The following RALGAPA2 variants were observed in gnomAD, a reference collection of about 807,000 sequenced individuals.
RALGAPA2 encodes Ral GTPase activating protein catalytic subunit alpha 2.
RALGAPA2 carries 139 observed loss-of-function variants against 230.4 expected under a neutral mutation model. That is an observed-to-expected ratio of 0.60 (90% confidence interval 0.53 to 0.69). The LOEUF (loss-of-function observed/expected upper bound fraction) is 0.69. Among genes scored for constraint, RALGAPA2 ranks in the 30% least tolerant of loss-of-function variants. RALGAPA2 has a pLI of 0.00. For synonymous variants in RALGAPA2, 847 were observed against 837.8 expected (o/e 1.01, Z -0.19); for missense variants, 2,163 against 2,276.0 (o/e 0.95, Z 1.01).
chr20:20,706,415 C>G (rs1490776616), intron 1 of RALGAPA2, among the ~76,000 whole-genome samples: 1 of 152,214 alleles, frequency 6.6e-6, no homozygotes, highest in Non-Finnish European at 1.5e-5. Flanking sequence ...AGAGACCATA[C>G]TAAGACTGCC....
chr20:20,459,421 T>C (rs998479085), intron 37 of RALGAPA2, among the ~76,000 whole-genome samples: 1 of 150,524 alleles, frequency 6.6e-6, no homozygotes, highest in African/African-American at 2.5e-5. Context: ...AAGAGGTTTT[T>C]TTGCTTTTTT....
chr20:20,677,406 C>A lies in RALGAPA2; in HGVS notation c.218-1118G>T, dbSNP rs149287321. ...GGGAGGTGTATTCCAGGCAGAGGAA[C>A]TGAACAATGCAAAGTCCGTGTAGCT... On this transcript the variant is annotated intron_variant, in intron 2 of 39. Coordinates refer to ENST00000202677, the MANE Select transcript of RALGAPA2 (RefSeq NM_020343.4). 2.5e-3 allele frequency among the ~76,000 whole-genome samples: 382 copies of A among 152,118 alleles called. 3 individuals are homozygous for A. The highest frequency in any genetic ancestry group is 2.6e-3 in the Admixed American group (40 of 15,266).
At chr20:20,486,319 T>G (rs1005963271) in intron 36 of RALGAPA2, among the ~76,000 whole-genome samples, 1 of 151,984 alleles carries the variant, frequency 6.6e-6, no homozygotes, top group Non-Finnish European at 1.5e-5. Flanking sequence ...TCTGAGAAGG[T>G]CTTTCTCCTT....
chr20:20,525,455 C>T (rs956240304), intron 28 of RALGAPA2, among the ~76,000 whole-genome samples: 1 of 152,200 alleles, frequency 6.6e-6, no homozygotes, highest in Non-Finnish European at 1.5e-5. Context: ...TGCCTTTTAA[C>T]GTGTCTCTGA....
At chr20:20,644,552 C>A (rs571783880) in intron 4 of RALGAPA2, among the ~76,000 whole-genome samples, 1 of 152,168 alleles carries the variant, frequency 6.6e-6, no homozygotes, top group Non-Finnish European at 1.5e-5. Context: ...CCTTTTAGAA[C>A]GATTCTACTG....
intron 16 of RALGAPA2, among the ~76,000 whole-genome samples, chr20:20,596,507 T>A (rs2065459701): frequency 6.6e-6 from 1 of 152,200 alleles, no homozygotes; most frequent in Non-Finnish European, 1.5e-5. Context: ...TTCAATACTC[T>A]AATGTGCCAA....
rs570747177 is a variant in RALGAPA2 at position 20,639,925 on chromosome 20, G to A, written c.551-25C>T. The A allele has an allele frequency of 4.6e-6, 7 of 1,510,720 alleles. No individual in the cohort carries two copies. In the African/African-American group the frequency reaches 8.3e-5, roughly 18 times the overall value. The allele number at this position is 1,510,720 out of a possible 1,614,324, so 93.6% of individuals were successfully genotyped here. A position where few individuals can be genotyped will look rare whatever the true frequency, so the allele number is the denominator to read the frequency against. On this transcript the variant is annotated intron_variant, in intron 6 of 39. Coordinates refer to ENST00000202677, the MANE Select transcript of RALGAPA2 (RefSeq NM_020343.4). ...ACTGAAAGGACAGAAAATGATGACAGCTCATTCACCAAAGTTAAATTTTAA... is the reference window on the plus strand; with the variant it reads ...ACTGAAAGGACAGAAAATGATGACAACTCATTCACCAAAGTTAAATTTTAA...
chr20:20,483,961 G>C (rs952408102), intron 36 of RALGAPA2, among the ~76,000 whole-genome samples: 1 of 152,132 alleles, frequency 6.6e-6, no homozygotes, highest in Non-Finnish European at 1.5e-5. Context: ...GGGTAGGGAC[G>C]CTATCAGGGG....
rs113654725 is a variant in RALGAPA2 at position 20,511,379 on chromosome 20, C to T, written c.4857-54G>A. On this transcript the variant is annotated intron_variant, in intron 32 of 39. Coordinates refer to ENST00000202677, the MANE Select transcript of RALGAPA2 (RefSeq NM_020343.4). ...CCATGTGATTACAGAACCATTTTGC[C>T]GCTTTTCAATCAGTAATTTAATAAA... is the stretch of plus-strand genomic sequence containing the variant. 3,502 of 1,513,922 alleles carry T rather than the reference C, an allele frequency of 2.3e-3. 3 individuals carry two copies. Among genetic ancestry groups the T allele is most frequent in the Non-Finnish European group, 2.8e-3 (3,198 of 1,136,300 alleles). 93.8% of individuals were successfully genotyped at this position (1,513,922 alleles called of 1,614,324 possible).
At chr20:20,569,532 C>A (rs967044568) in intron 23 of RALGAPA2, among the ~76,000 whole-genome samples, 17 of 151,942 alleles carry the variant, frequency 1.1e-4, no homozygotes, top group African/African-American at 4.1e-4. Flanking sequence ...AGATATTGAG[C>A]CTTAACTTAA....
chr20:20,565,418 C>A (rs926984252), intron 23 of RALGAPA2, among the ~76,000 whole-genome samples: 1 of 152,094 alleles, frequency 6.6e-6, no homozygotes, highest in African/African-American at 2.4e-5. Context: ...CAGGTATGGC[C>A]AATTTACAAG....
At chr20:20,683,325 A>G (rs955196157) in intron 1 of RALGAPA2, among the ~76,000 whole-genome samples, 1 of 152,112 alleles carries the variant, frequency 6.6e-6, no homozygotes, top group Non-Finnish European at 1.5e-5. Context: ...CGAATATTTA[A>G]TAGAGTCAGT....
chr20:20,469,828 A>C (rs1352716580), intron 37 of RALGAPA2, among the ~76,000 whole-genome samples: 1 of 152,192 alleles, frequency 6.6e-6, no homozygotes, highest in Non-Finnish European at 1.5e-5. Flanking sequence ...CCCTCTAGGC[A>C]CAGGAATAGG....
At chr20:20,527,603 C>T (rs1032362912) in intron 27 of RALGAPA2, among the ~76,000 whole-genome samples, 3 of 151,684 alleles carry the variant, frequency 2.0e-5, no homozygotes, top group African/African-American at 2.4e-5. Flanking sequence ...GCCCTCCCCC[C>T]ACACCCCCAA....
chr20:20,497,656 C>T (rs774146304), intron 35 of RALGAPA2, among the ~76,000 whole-genome samples: 3 of 152,212 alleles, frequency 2.0e-5, no homozygotes, highest in Non-Finnish European at 2.9e-5. Context: ...TTTGTAGTTA[C>T]TTTCCCATTT....
At chr20:20,511,481 C>T (rs749164127) in intron 32 of RALGAPA2, among the ~76,000 whole-genome samples, 156 bp from the exon 33 acceptor site, 2 of 152,232 alleles carry the variant, frequency 1.3e-5, no homozygotes, top group Non-Finnish European at 2.9e-5. Context: ...ACTCCATCCT[C>T]CTTAAGACAT....
At chr20:20,467,829 C>A (rs1176274160) in intron 37 of RALGAPA2, among the ~76,000 whole-genome samples, 1 of 152,144 alleles carries the variant, frequency 6.6e-6, no homozygotes, top group Non-Finnish European at 1.5e-5. Context: ...CCAGGCCTCC[C>A]CTTTTTCTTT....
In RALGAPA2 at chr20:20,583,903, G is replaced by A. The variant is rs532228233; in HGVS notation, c.2531-677C>T. ...AACAACTTTATGCATCTACATCTCTGTCTGCTCACCCTTCTGGCTGCTCTC... is the reference window on the plus strand; with the variant it reads ...AACAACTTTATGCATCTACATCTCTATCTGCTCACCCTTCTGGCTGCTCTC... On this transcript the variant is annotated intron_variant, in intron 19 of 39. Transcript: ENST00000202677. Among the ~76,000 whole-genome samples, 174 of 152,216 alleles carry A rather than the reference G, an allele frequency of 1.1e-3. 1 individual carries two copies. Among genetic ancestry groups the A allele is most frequent in the African/African-American group, 4.1e-3 (172 of 41,532 alleles).
intron 38 of RALGAPA2, among the ~76,000 whole-genome samples, chr20:20,400,236 G>A (rs968153820): frequency 7.9e-5 from 12 of 152,218 alleles, no homozygotes; most frequent in African/African-American, 2.9e-4. Flanking sequence ...GCCCAAGGAT[G>A]GCTTCCAGTA....
Sources: allele counts gnomAD v4.1 joint callset (sites outside exome capture counted in the v4.1 genomes callset), GRCh38; gene constraint gnomAD v4.1.1; transcripts MANE v1.5; gene names NCBI Gene and HGNC (gene_info 2026-07-23, HGNC 2026-07-21).